RTEL1: variants seen among roughly 807,000 people sequenced by gnomAD.
The protein encoded by RTEL1 is regulator of telomere elongation helicase 1, also known as regulator of telomere length.
In RTEL1, 86 loss-of-function variants were observed where a neutral mutation model predicts 162.2. The observed-to-expected ratio is 0.53, with a 90% CI of 0.45 to 0.63. RTEL1 has a LOEUF of 0.63. RTEL1 is among the 30% of genes least tolerant of loss of function. The probability of loss-of-function intolerance (pLI) is 0.00; values close to 1 mark genes in which losing one functional copy is unlikely to be tolerated. For synonymous variants in RTEL1, 958 were observed against 717.9 expected (o/e 1.33, Z -5.35); for missense variants, 1,941 against 1,750.2 (o/e 1.11, Z -1.95).
At chr20:63,693,462 T>TCCACCTCCACCACCACCTCCACCA (rs2090835857) in intron 30 of RTEL1, among the ~76,000 whole-genome samples, 179 bp downstream of exon 30, 2 of 9,546 alleles carry the variant, frequency 2.1e-4, no homozygotes, top group African/African-American at 4.7e-4. Context: ...CACCTCCACC[T>TCCACCTCCACCACCACCTCCACCA]CCACCTCCAC....
At chr20:63,685,021 G>A (rs2090559542) in intron 14 of RTEL1, among the ~76,000 whole-genome samples, 1 of 150,740 alleles carries the variant, frequency 6.6e-6, no homozygotes, top group Non-Finnish European at 1.5e-5. Flanking sequence ...GGGACCACAG[G>A]CACATGCCAC....
At chr20:63,666,113 C>T in intron 7 of RTEL1, 34 bp downstream of exon 7, 1 of 1,549,342 alleles carries the variant, frequency 6.5e-7, no homozygotes, top group Non-Finnish European at 8.9e-7. Context: ...GACCACTGTC[C>T]TTCCATGGCC....
chr20:63,679,765 C>G (rs1479470872), intron 12 of RTEL1, 84 bp from the exon 13 acceptor site: 2 of 1,061,208 alleles, frequency 1.9e-6, no homozygotes, highest in African/African-American at 1.6e-5. Context: ...CCCTCAGGCC[C>G]GAGCCTGCCT....
chr20:63,689,595 C>T lies in RTEL1; in HGVS notation c.1972C>T (p.Leu658Phe), dbSNP rs2090677046. ...YPPRMDPRVV[L>F]KMQFLDEMKG... ...CCCACGCATGGACCCCCGGGTTGTC[C>T]TCAAGATGCAGTTCCTGGATGAGAT... The change falls in exon 23 of 35, where the codon CTC becomes TTC. Residue 658 changes from leucine (L) to phenylalanine (F), a missense_variant. Physicochemically the swap from Leu to Phe is conservative, Grantham distance 22. Coordinates refer to ENST00000360203, the MANE Select transcript of RTEL1 (RefSeq NM_001283009.2). 6.2e-7 allele frequency: 1 copy of T among 1,612,416 alleles called. No individual in the cohort carries two copies. The highest frequency in any genetic ancestry group is 2.2e-5 in the East Asian group (1 of 44,876).
At chr20:63,680,225 G>C (rs1477083221) in intron 13 of RTEL1, among the ~76,000 whole-genome samples, 1 of 152,202 alleles carries the variant, frequency 6.6e-6, no homozygotes, top group Admixed American at 6.5e-5. Context: ...CTGGCTTGTG[G>C]GGCCTCTGGC....
At chr20:63,686,410 G>C (rs1568705297) in intron 16 of RTEL1, 1 of 160,188 alleles carries the variant, frequency 6.2e-6, no homozygotes, top group Non-Finnish European at 1.4e-5. Flanking sequence ...GTGTGCCCTC[G>C]GCTCCGTGTC....
In RTEL1 at chr20:63,694,731, C is replaced by G. The variant is rs2090927100; in HGVS notation, c.3110-10C>G. Reference sequence around the variant, plus strand: ...CAGCGCCACTCTGAGCCATGCTACTCCCACACCAGGAGACCCTGGCAGCCA... The same window carrying G: ...CAGCGCCACTCTGAGCCATGCTACTGCCACACCAGGAGACCCTGGCAGCCA... On this transcript the variant is annotated splice_polypyrimidine_tract_variant and intron_variant, in intron 31 of 34. Transcript: ENST00000360203. The G allele has an allele frequency of 3.1e-6, 5 of 1,592,552 alleles. No homozygotes were observed. Among genetic ancestry groups the G allele is most frequent in the Non-Finnish European group, 4.3e-6 (5 of 1,169,258 alleles).
chr20:63,691,612 G>A (rs377386827), intron 27 of RTEL1, 130 bp from the exon 28 acceptor site: 76 of 737,094 alleles, frequency 1.0e-4, no homozygotes, highest in Non-Finnish European at 1.6e-4. Flanking sequence ...GGTGTGCTGT[G>A]CCCCCCTCCC....
chr20:63,672,145 G>C (rs2090256049), intron 8 of RTEL1, among the ~76,000 whole-genome samples: 1 of 152,108 alleles, frequency 6.6e-6, no homozygotes, highest in Non-Finnish European at 1.5e-5. Flanking sequence ...GCCTCCCAAA[G>C]TGCTGGGATT....
At chr20:63,691,864 C>T in intron 28 of RTEL1, 27 bp downstream of exon 28, 4 of 1,583,866 alleles carry the variant, frequency 2.5e-6, no homozygotes, top group South Asian at 2.2e-5. Context: ...TGCACCTGTG[C>T]CGACCACCAT....
chr20:63,688,208 C>T, intron 19 of RTEL1, 29 bp downstream of exon 19: 2 of 1,610,762 alleles, frequency 1.2e-6, no homozygotes, highest in South Asian at 1.1e-5. Flanking sequence ...CCAGCTGTGC[C>T]CATCCTGGAT....
rs369387432 is a variant in RTEL1, at chr20:63,689,730, C to G, written c.2026-20C>G. Reference sequence around the variant, plus strand: ...CCGTGGCCAAGGGAGCCCCCGTGACCGAGCCGCCTCGCCCCACAGTTCCTC... The same window carrying G: ...CCGTGGCCAAGGGAGCCCCCGTGACGGAGCCGCCTCGCCCCACAGTTCCTC... On this transcript the variant is annotated intron_variant, in intron 23 of 34. Coordinates refer to ENST00000360203, the MANE Select transcript of RTEL1 (RefSeq NM_001283009.2). 1.2e-6 allele frequency: 2 copies of G among 1,608,472 alleles called. No homozygotes were observed. The highest frequency in any genetic ancestry group is 1.7e-6 in the Non-Finnish European group (2 of 1,177,066).
intron 28 of RTEL1, 174 bp from the exon 29 acceptor site, chr20:63,692,631 T>C (rs777950678): frequency 1.6e-6 from 1 of 639,726 alleles, no homozygotes; most frequent in Non-Finnish European, 2.7e-6. Flanking sequence ...GCCCCACAGC[T>C]TTCTTCCCGC....
chr20:63,692,746 G>GC, intron 28 of RTEL1, 59 bp from the exon 29 acceptor site: 6 of 1,519,932 alleles, frequency 3.9e-6, no homozygotes, highest in Non-Finnish European at 2.7e-6. Context: ...AGGCTCTGCA[G>GC]CCCCAGGGAC....
chr20:63,680,352 C>T (rs113776139), intron 13 of RTEL1, among the ~76,000 whole-genome samples: 56 of 152,316 alleles, frequency 3.7e-4, no homozygotes, highest in African/African-American at 1.3e-3. Flanking sequence ...CGGGGTCTCT[C>T]CTCTGCTGCG....
chr20:63,693,171 T>C lies in RTEL1; in HGVS notation c.2880T>C (p.His960=), dbSNP rs1281772977. ...TCTACCAGTTTGTGCGGCCCCACCA[T>C]AAGCAGCAGTTTGAGGAGGTCTGTA... ...QGFYQFVRPH[H]KQQFEEVCIQ... Residue 960 remains histidine, a synonymous_variant, in exon 30 of 35, where the codon CAT becomes CAC. Coordinates refer to ENST00000360203, the MANE Select transcript of RTEL1 (RefSeq NM_001283009.2). 6.2e-7 allele frequency: 1 copy of C among 1,612,150 alleles called. No homozygotes were observed. Among genetic ancestry groups the C allele is most frequent in the Non-Finnish European group, 8.5e-7 (1 of 1,179,542 alleles).
At position 63,693,456 on chromosome 20, in the gene RTEL1, T is replaced by TCCACCACCTCCACCTCCACCA. The variant is rs1262595789; in HGVS notation, c.2992+178_2992+179insACCTCCACCTCCACCACCACC. Among the ~76,000 whole-genome samples, 2 of 21,042 alleles carry TCCACCACCTCCACCTCCACCA rather than the reference T, an allele frequency of 9.5e-5. 1 individual carries two copies. Among genetic ancestry groups the TCCACCACCTCCACCTCCACCA allele is most frequent in the Non-Finnish European group, 1.7e-4 (2 of 11,670 alleles). The allele number at this position is 21,042 out of a possible 152,430, so 13.8% of individuals were successfully genotyped here. ...CACCACCAGCACCAGCAGCACCACC[T>TCCACCACCTCCACCTCCACCA]CCACCTCCACCTCCACCTCCACCTC... On this transcript the variant is annotated intron_variant, in intron 30 of 34. Transcript: ENST00000360203.
rs2090710799 is a variant in RTEL1 at position 63,690,497 on chromosome 20, G to A, written c.2413+56G>A. The A allele has an allele frequency of 5.1e-6, 7 of 1,368,892 alleles. No homozygotes were observed. In the East Asian group the frequency reaches 1.4e-4, roughly 28 times the overall value. The allele number at this position is 1,368,892 out of a possible 1,614,324, so 84.8% of individuals were successfully genotyped here. ...TGGGGGTGGCGGAGCGGGCGGCGTG[G>A]GGCGGGCAGCACCAGGCGCCCAGGG... On this transcript the variant is annotated intron_variant, in intron 26 of 34. Transcript: ENST00000360203.
chr20:63,664,688 TGA>T (rs1231483772), intron 6 of RTEL1, among the ~76,000 whole-genome samples: 1 of 152,096 alleles, frequency 6.6e-6, no homozygotes, highest in East Asian at 1.9e-4. Flanking sequence ...GGACAGGCTG[TGA>T]GGGGGTGTCT....
Sources: gnomAD v4.1 joint callset for allele counts (sites outside exome capture counted in the v4.1 genomes callset) on GRCh38, gnomAD v4.1.1 for gene constraint, MANE v1.5 for transcripts, NCBI Gene and HGNC (gene_info 2026-07-23, HGNC 2026-07-21) for gene names.